RBPJ: variants seen among roughly 807,000 people sequenced by gnomAD.
RBPJ encodes recombining binding protein suppressor of hairless.
In RBPJ, 9 loss-of-function variants were observed where a neutral mutation model predicts 67.8. The ratio of observed to expected loss-of-function variants is 0.13; its 90% CI spans 0.08 to 0.23. The LOEUF (loss-of-function observed/expected upper bound fraction) is 0.23. RBPJ is among the 10% of genes least tolerant of loss of function. The pLI, the probability that RBPJ is intolerant of heterozygous loss-of-function variation, is 1.00. For missense variants in RBPJ, 305 were observed against 595.6 expected, an observed-to-expected ratio of 0.51 and a Z score of 5.08; for synonymous variants, 198 against 203.3, an observed-to-expected ratio of 0.97 and a Z score of 0.22.
At chr4:26,113,753 G>T in the RBPJ span, 1 of 264,706 alleles carries the variant, frequency 3.8e-6, no homozygotes, top group South Asian at 5.6e-5. Context: ...TAAATGTAGT[G>T]AATGTGGGAA....
At chr4:26,349,264 G>A (rs1726543773) in intron 1 of RBPJ, among the ~76,000 whole-genome samples, 1 of 151,984 alleles carries the variant, frequency 6.6e-6, no homozygotes, top group Non-Finnish European at 1.5e-5. Flanking sequence ...TAGAGATGGT[G>A]TCTCGCTATG....
intron 3 of RBPJ, among the ~76,000 whole-genome samples, chr4:26,411,101 T>C (rs1193784526): frequency 6.6e-6 from 1 of 152,128 alleles, no homozygotes; most frequent in African/African-American, 2.4e-5. Context: ...ACACCTGGCC[T>C]AAAATACACC....
chr4:26,386,319 CTTAACT>C (rs1577580920), intron 1 of RBPJ, 28 bp from the exon 2 acceptor site: 4 of 1,520,160 alleles, frequency 2.6e-6, no homozygotes, highest in Non-Finnish European at 9.0e-7. Context: ...ATAAAGCTTA[CTTAACT>C]TTATTTTCTT....
intron 1 of RBPJ, among the ~76,000 whole-genome samples, chr4:26,347,174 T>G (rs191171797): frequency 2.0e-5 from 3 of 152,128 alleles, no homozygotes; most frequent in Non-Finnish European, 2.9e-5. Context: ...CATGTCGACT[T>G]TGAGGTTCTT....
chr4:26,124,509 C>T, the RBPJ span, among the ~76,000 whole-genome samples: 2 of 136,758 alleles, frequency 1.5e-5, no homozygotes, highest in Non-Finnish European at 3.1e-5. Flanking sequence ...TGGGTTGGTT[C>T]CATGTTTTTT....
chr4:26,257,752 C>A (rs1396978160), intron 1 of RBPJ, among the ~76,000 whole-genome samples: 1 of 152,206 alleles, frequency 6.6e-6, no homozygotes, highest in Non-Finnish European at 1.5e-5. Flanking sequence ...AAGCAGCTAA[C>A]TTAGTTATCT....
intron 1 of RBPJ, among the ~76,000 whole-genome samples, chr4:26,227,436 G>A (rs1719113887): frequency 6.6e-6 from 1 of 152,118 alleles, no homozygotes; most frequent in Admixed American, 6.5e-5. Flanking sequence ...AAAGAGCTTG[G>A]CACATGATAA....
chr4:26,384,464 C>T (rs918105772), intron 1 of RBPJ: 2 of 152,080 alleles, frequency 1.3e-5, no homozygotes, highest in African/African-American at 2.4e-5. Context: ...ATCTTTAAGT[C>T]AAATAAGACT....
chr4:26,303,186 AAAT>A lies in RBPJ; in HGVS notation c.-166-59257_-166-59255del, dbSNP rs1406222988. On this transcript the variant is annotated intron_variant, in intron 1 of 4. Transcript: ENST00000512351. Reference sequence around the variant, plus strand: ...ACAGACTGCAACCCTGTCAAAAAATAAATAAATAAATAAATAAATAAATAAATA... The same window carrying A: ...ACAGACTGCAACCCTGTCAAAAAATAAAATAAATAAATAAATAAATAAATA... Among the ~76,000 whole-genome samples the A allele has an allele frequency of 3.9e-4, 9 of 22,824 alleles. No homozygotes were observed. In the East Asian group the frequency reaches 0.017, roughly 44 times the overall value. 15.0% of individuals were successfully genotyped at this position (22,824 alleles called of 152,430 possible). A position where few individuals can be genotyped will look rare whatever the true frequency, so the allele number is the denominator to read the frequency against.
the RBPJ span, among the ~76,000 whole-genome samples, chr4:26,130,635 C>T: frequency 1.3e-5 from 2 of 152,122 alleles, no homozygotes; most frequent in African/African-American, 4.8e-5. Context: ...TTACTCTCCC[C>T]GTAACACCAC....
chr4:26,210,720 T>C lies in RBPJ; in HGVS notation c.-167+47106T>C, dbSNP rs200682664. Among the ~76,000 whole-genome samples the C allele has an allele frequency of 1.6e-3, 112 of 70,872 alleles. 1 individual carries two copies. The highest frequency in any genetic ancestry group is 1.9e-3 in the Non-Finnish European group (67 of 35,498). 46.5% of individuals were successfully genotyped at this position (70,872 alleles called of 152,430 possible). A position where few individuals can be genotyped will look rare whatever the true frequency, so the allele number is the denominator to read the frequency against. ...CTTTCTTTCTTTCCTTCTTTCCTTC[T>C]TTCTTTCCTTCTTTACTTCTTTCCT... On this transcript the variant is annotated intron_variant, in intron 1 of 4. Coordinates refer to the RBPJ transcript ENST00000512351.
At chr4:26,422,757 C>G (rs1459543563) in intron 5 of RBPJ, among the ~76,000 whole-genome samples, 1 of 152,198 alleles carries the variant, frequency 6.6e-6, no homozygotes, top group Non-Finnish European at 1.5e-5. Flanking sequence ...TGTTCATTCT[C>G]TAACGTCAAC....
At chr4:26,419,208 G>T (rs1360934063) in intron 4 of RBPJ, among the ~76,000 whole-genome samples, 2 of 152,046 alleles carry the variant, frequency 1.3e-5, no homozygotes, top group African/African-American at 4.8e-5. Flanking sequence ...CAAACTTCTG[G>T]ACTTAAGCAG....
chr4:26,109,460 C>G, the RBPJ span, among the ~76,000 whole-genome samples: 2 of 14,690 alleles, frequency 1.4e-4, 1 homozygote. Context: ...CTCTCTCTCT[C>G]TATATATATA....
intron 1 of RBPJ, among the ~76,000 whole-genome samples, chr4:26,365,155 G>A (rs1345102730): frequency 1.3e-5 from 2 of 151,902 alleles, no homozygotes; most frequent in African/African-American, 2.4e-5. Context: ...GGAAGCCAGT[G>A]TCAGATTAAG....
At chr4:26,113,202 A>G in the RBPJ span, 32 of 243,176 alleles carry the variant, frequency 1.3e-4, no homozygotes, top group Non-Finnish European at 2.4e-4. Context: ...CTCTCTTTAA[A>G]CATCAGATAG....
intron 8 of RBPJ, among the ~76,000 whole-genome samples, chr4:26,429,085 A>G (rs550015759): frequency 6.6e-6 from 1 of 152,346 alleles, no homozygotes; most frequent in African/African-American, 2.4e-5. Flanking sequence ...CAGAGAAAAC[A>G]GTTAACATCT....
intron 2 of RBPJ, among the ~76,000 whole-genome samples, chr4:26,396,860 G>C (rs1732172222): frequency 6.6e-6 from 1 of 152,228 alleles, no homozygotes; most frequent in South Asian, 2.1e-4. Flanking sequence ...GACCTGTACT[G>C]TTGTTTAGCT....
intron 4 of RBPJ, 69 bp from the exon 5 acceptor site, chr4:26,420,482 T>C (rs1735017477): frequency 9.4e-7 from 1 of 1,059,754 alleles, no homozygotes; most frequent in Non-Finnish European, 1.3e-6. Flanking sequence ...CCATGGCCAT[T>C]CTGAGTTTTA....
Sources: allele counts gnomAD v4.1 joint callset (sites outside exome capture counted in the v4.1 genomes callset), GRCh38; gene constraint gnomAD v4.1.1; transcripts MANE v1.5; gene names NCBI Gene and HGNC (gene_info 2026-07-23, HGNC 2026-07-21).